GPRASP3: variants seen among roughly 807,000 people sequenced by gnomAD.
GPRASP3 encodes G protein-coupled receptor associated sorting protein family member 3, also known as G protein-coupled receptor associated sorting protein 3.
the GPRASP3 span, among the ~76,000 whole-genome samples, chrX:102,726,643 C>T: frequency 1.8e-5 from 2 of 111,872 alleles, no homozygotes; most frequent in African/African-American, 3.2e-5. Context: ...GTTTAGTGCA[C>T]CTGGGAAAAT....
At chrX:102,743,574 C>T in the GPRASP3 span, among the ~76,000 whole-genome samples, 1 of 110,994 alleles carries the variant, frequency 9.0e-6, no homozygotes, top group African/African-American at 3.3e-5. Context: ...TCAAGGAGAC[C>T]ATGGCATTGC....
the GPRASP3 span, chrX:102,749,225 A>G: frequency 2.5e-6 from 3 of 1,210,149 alleles, no homozygotes; most frequent in Non-Finnish European, 3.4e-6. Flanking sequence ...GCTCTGTCAG[A>G]GCCTAAGACT....
the GPRASP3 span, chrX:102,752,880 G>T: frequency 4.9e-5 from 6 of 122,347 alleles, no homozygotes; most frequent in Admixed American, 9.6e-5. Flanking sequence ...AGTGATTCTC[G>T]TGCCTTAGCC....
At chrX:102,748,691 A>G in the GPRASP3 span, 4 of 215,401 alleles carry the variant, frequency 1.9e-5, no homozygotes, top group African/African-American at 1.1e-4. Context: ...TTCTTTCTTC[A>G]ACCTCAGGTC....
chrX:102,725,491 T>C, the GPRASP3 span, among the ~76,000 whole-genome samples: 1 of 110,938 alleles, frequency 9.0e-6, no homozygotes, highest in Non-Finnish European at 1.9e-5. Flanking sequence ...TCTTTGTACT[T>C]ACACAATATT....
the GPRASP3 span, among the ~76,000 whole-genome samples, chrX:102,738,498 A>G: frequency 0.03 from 3,279 of 110,772 alleles, 57 homozygotes; most frequent in Non-Finnish European, 0.044. Context: ...CTTTTTTCCA[A>G]TGGTAATCCG....
the GPRASP3 span, among the ~76,000 whole-genome samples, chrX:102,730,957 A>T: frequency 8.9e-6 from 1 of 112,684 alleles, no homozygotes; most frequent in African/African-American, 3.2e-5. Context: ...TGAAAAAAAG[A>T]ACTGAACATT....
At chrX:102,736,484 G>A in the GPRASP3 span, among the ~76,000 whole-genome samples, 1,413 of 111,791 alleles carry the variant, frequency 0.013, 23 homozygotes, top group African/African-American at 0.043. Flanking sequence ...GAAGAACAGC[G>A]TGGAGAAAGC....
At chrX:102,736,565 A>G in the GPRASP3 span, among the ~76,000 whole-genome samples, 1 of 111,907 alleles carries the variant, frequency 8.9e-6, no homozygotes, top group Non-Finnish European at 1.9e-5. Context: ...TTAAGGGACC[A>G]TCGTTATAGT....
the GPRASP3 span, chrX:102,753,110 G>A: frequency 8.2e-6 from 1 of 121,823 alleles, no homozygotes; most frequent in Non-Finnish European, 1.9e-5. Context: ...ATGCCCTTTT[G>A]TAATCCCTCC....
At chrX:102,723,001 A>T in the GPRASP3 span, among the ~76,000 whole-genome samples, 1 of 111,866 alleles carries the variant, frequency 8.9e-6, no homozygotes, top group Non-Finnish European at 1.9e-5. Flanking sequence ...TCCTCAGTGC[A>T]ACAAAATGAT....
the GPRASP3 span, among the ~76,000 whole-genome samples, chrX:102,734,489 C>T: frequency 2.7e-5 from 3 of 111,615 alleles, no homozygotes; most frequent in Admixed American, 9.5e-5. Context: ...TGGTGGCAGA[C>T]GCCTGTAGTC....
chrX:102,720,984 C>T, the GPRASP3 span: 1 of 112,268 alleles, frequency 8.9e-6, no homozygotes, highest in Non-Finnish European at 1.9e-5. Context: ...AGTCTACCTG[C>T]CCGACGCGTT....
At chrX:102,745,266 C>A in the GPRASP3 span, among the ~76,000 whole-genome samples, 3 of 111,301 alleles carry the variant, frequency 2.7e-5, no homozygotes, top group Non-Finnish European at 5.7e-5. Flanking sequence ...GGCGCAATGC[C>A]AACCTGAGCC....
At chrX:102,735,833 CCTT>C in the GPRASP3 span, among the ~76,000 whole-genome samples, 1 of 112,902 alleles carries the variant, frequency 8.9e-6, no homozygotes, top group Non-Finnish European at 1.9e-5. Context: ...CATTCCCATT[CCTT>C]CTTGTAATCT....
chrX:102,750,954 T>A, the GPRASP3 span: 2 of 174,086 alleles, frequency 1.1e-5, no homozygotes, highest in Admixed American at 7.5e-5. Context: ...GAGTTTGTAA[T>A]CTAGTTACAG....
chrX:102,725,304 G>A, the GPRASP3 span, among the ~76,000 whole-genome samples: 1 of 111,719 alleles, frequency 9.0e-6, no homozygotes, highest in Non-Finnish European at 1.9e-5. Context: ...ACTGTATTGT[G>A]TGCTTTACTA....
chrX:102,727,175 G>C, the GPRASP3 span, among the ~76,000 whole-genome samples: 2 of 112,596 alleles, frequency 1.8e-5, no homozygotes, highest in African/African-American at 6.4e-5. Flanking sequence ...AAGTACTGAC[G>C]TAGGGCAGCC....
At chrX:102,736,605 A>G in the GPRASP3 span, among the ~76,000 whole-genome samples, 3 of 111,293 alleles carry the variant, frequency 2.7e-5, no homozygotes, top group Admixed American at 2.9e-4. Context: ...GAGAAATGCT[A>G]CGGAGCAAGA....
Sources: gnomAD v4.1 joint callset for allele counts (sites outside exome capture counted in the v4.1 genomes callset) on GRCh38, gnomAD v4.1.1 for gene constraint, MANE v1.5 for transcripts, NCBI Gene and HGNC (gene_info 2026-07-23, HGNC 2026-07-21) for gene names.